Variants in GRM1 observed in about 807,000 individuals in gnomAD.
The protein encoded by GRM1 is glutamate metabotropic receptor 1.
A neutral mutation model predicts 90.9 loss-of-function variants in GRM1; 33 were observed. The ratio of observed to expected loss-of-function variants is 0.36; its 90% CI spans 0.28 to 0.49. The LOEUF (loss-of-function observed/expected upper bound fraction) is 0.49. Among genes scored for constraint, GRM1 ranks in the 20% least tolerant of loss-of-function variants. GRM1 has a pLI of 0.99. For missense variants in GRM1, 1,190 were observed against 1,534.3 expected (o/e 0.78, Z 3.75); for synonymous variants, 700 against 613.2 (o/e 1.14, Z -2.09).
At chr6:146,112,020 T>C (rs1775579863) in intron 1 of GRM1, among the ~76,000 whole-genome samples, 1 of 152,196 alleles carries the variant, frequency 6.6e-6, no homozygotes, top group Non-Finnish European at 1.5e-5. Context: ...CATAACTTGA[T>C]CAGGCTTGTT....
intron 2 of GRM1, among the ~76,000 whole-genome samples, chr6:146,273,063 G>A (rs1782227225): frequency 6.6e-6 from 1 of 152,218 alleles, no homozygotes; most frequent in African/African-American, 2.4e-5. Context: ...GTGAATCCAA[G>A]AAGAATGTTG....
intron 3 of GRM1, among the ~76,000 whole-genome samples, chr6:146,306,169 G>A (rs919909723): frequency 6.6e-6 from 1 of 152,052 alleles, no homozygotes; most frequent in African/African-American, 2.4e-5. Flanking sequence ...CTAGGGAGGC[G>A]GCGAAAGGCA....
chr6:146,048,722 C>T (rs764516888), intron 1 of GRM1, among the ~76,000 whole-genome samples: 9 of 152,030 alleles, frequency 5.9e-5, no homozygotes, highest in Middle Eastern at 3.4e-3. Context: ...AAAAAAGACA[C>T]GCACACAGGA....
chr6:146,334,619 T>C (rs1475691888), intron 3 of GRM1, among the ~76,000 whole-genome samples: 1 of 152,200 alleles, frequency 6.6e-6, no homozygotes, highest in Non-Finnish European at 1.5e-5. Context: ...CATTGGTCAG[T>C]ATGAATAAAC....
At chr6:146,198,167 A>T (rs945801412) in intron 2 of GRM1, among the ~76,000 whole-genome samples, 1 of 152,264 alleles carries the variant, frequency 6.6e-6, no homozygotes, top group African/African-American at 2.4e-5. Flanking sequence ...ATTATACCTC[A>T]ATAAAGCCAT....
intron 5 of GRM1, among the ~76,000 whole-genome samples, chr6:146,374,854 T>A (rs1295636909): frequency 6.6e-6 from 1 of 152,088 alleles, no homozygotes; most frequent in African/African-American, 2.4e-5. Flanking sequence ...TGTTTTTCAT[T>A]TCAATTTGAT....
chr6:146,323,516 A>G (rs1323091045), intron 3 of GRM1, among the ~76,000 whole-genome samples: 4 of 152,132 alleles, frequency 2.6e-5, no homozygotes, highest in African/African-American at 7.2e-5. Flanking sequence ...AGTAGGTTGC[A>G]AAAATTTTCT....
intron 1 of GRM1, among the ~76,000 whole-genome samples, chr6:146,136,812 C>CTTCA (rs1187703096): frequency 7.3e-6 from 1 of 136,524 alleles, no homozygotes; most frequent in Non-Finnish European, 1.6e-5. Context: ...TGGGTTGTTT[C>CTTCA]TTCACTTTGT....
At chr6:146,051,273 AATAC>A (rs886509682) in intron 1 of GRM1, among the ~76,000 whole-genome samples, 52 of 152,192 alleles carry the variant, frequency 3.4e-4, no homozygotes, top group Admixed American at 6.5e-4. Context: ...AACTCAATAA[AATAC>A]ATAAACATAC....
rs142562906 is a variant in GRM1, at chr6:146,437,149, T to G, written c.*2353T>G. The G allele has an allele frequency of 4.4e-4, 67 of 152,308 alleles. No homozygotes were observed. Among genetic ancestry groups the G allele is most frequent in the African/African-American group, 1.5e-3 (64 of 41,570 alleles). The allele number at this position is 152,308 out of a possible 1,614,324, so 9.4% of individuals were successfully genotyped here. On this transcript the variant is annotated 3_prime_UTR_variant, in exon 8 of 8. Coordinates refer to ENST00000282753, the MANE Select transcript of GRM1 (RefSeq NM_001278064.2). ...CAAATTCATGAGGGAAAGCATATGATCTCTTTATTAGTGAATCATGCTTAT... is the reference window on the plus strand; with the variant it reads ...CAAATTCATGAGGGAAAGCATATGAGCTCTTTATTAGTGAATCATGCTTAT...
intron 2 of GRM1, among the ~76,000 whole-genome samples, chr6:146,273,792 T>C (rs1782254012): frequency 6.6e-6 from 1 of 152,218 alleles, no homozygotes; most frequent in South Asian, 2.1e-4. Flanking sequence ...TCTATTTTTT[T>C]CCAGATGGAT....
At chr6:146,414,548 G>A (rs1020191313) in intron 7 of GRM1, among the ~76,000 whole-genome samples, 2 of 151,858 alleles carry the variant, frequency 1.3e-5, no homozygotes, top group Non-Finnish European at 2.9e-5. Flanking sequence ...GACTACAGGC[G>A]CCCGCCACCA....
At chr6:146,038,934 A>G (rs1237308004) in intron 1 of GRM1, among the ~76,000 whole-genome samples, 3 of 152,114 alleles carry the variant, frequency 2.0e-5, no homozygotes, top group Non-Finnish European at 4.4e-5. Flanking sequence ...AAGAAATTCA[A>G]TATCCTTTTT....
chr6:146,330,396 C>T (rs1583335552), intron 3 of GRM1, among the ~76,000 whole-genome samples: 1 of 152,134 alleles, frequency 6.6e-6, no homozygotes, highest in East Asian at 1.9e-4. Flanking sequence ...TAATGGAAAC[C>T]TACTGGGAAT....
At chr6:146,318,157 T>C (rs1469576463) in intron 3 of GRM1, among the ~76,000 whole-genome samples, 1 of 151,686 alleles carries the variant, frequency 6.6e-6, no homozygotes, top group Non-Finnish European at 1.5e-5. Flanking sequence ...CCTAGCCCCC[T>C]ATCCCCCAAC....
intron 3 of GRM1, among the ~76,000 whole-genome samples, chr6:146,313,549 G>A (rs901235535): frequency 4.6e-5 from 7 of 152,004 alleles, no homozygotes; most frequent in East Asian, 1.9e-4. Context: ...TGTATTTCAC[G>A]CCTTGTATAC....
At chr6:146,332,456 C>A (rs954504331) in intron 3 of GRM1, among the ~76,000 whole-genome samples, 15 of 152,186 alleles carry the variant, frequency 9.9e-5, no homozygotes, top group Non-Finnish European at 1.6e-4. Context: ...AGGTTGTCTA[C>A]ATCCCTTTTC....
chr6:146,426,538 C>G, intron 7 of GRM1: 2 of 1,606,674 alleles, frequency 1.2e-6, no homozygotes, highest in African/African-American at 1.3e-5. Flanking sequence ...CACTGGGTGT[C>G]TTTTTCTTTT....
chr6:146,259,726 A>G (rs900633747), intron 2 of GRM1, among the ~76,000 whole-genome samples: 11 of 152,134 alleles, frequency 7.2e-5, no homozygotes, highest in African/African-American at 2.4e-4. Flanking sequence ...GGTTGTTTCT[A>G]TATCTTGGCT....
Sources: allele counts gnomAD v4.1 joint callset (sites outside exome capture counted in the v4.1 genomes callset), GRCh38; gene constraint gnomAD v4.1.1; transcripts MANE v1.5; gene names NCBI Gene and HGNC (gene_info 2026-07-23, HGNC 2026-07-21).